The following CNTN4 variants were observed in gnomAD, a reference collection of about 807,000 sequenced individuals.
CNTN4 encodes the protein contactin-4.
CNTN4 carries 77 observed loss-of-function variants against 122.5 expected under a neutral mutation model. That is an observed-to-expected ratio of 0.63 (90% CI 0.52 to 0.76). The LOEUF (loss-of-function observed/expected upper bound fraction) is 0.76, where lower values mean the gene tolerates loss of function less well. Among genes scored for constraint, CNTN4 ranks in the 30% least tolerant of loss-of-function variants. The pLI is 0.00. For synonymous variants in CNTN4, 512 were observed against 447.0 expected (o/e 1.15, Z -1.83); for missense variants, 1,256 against 1,259.1 (o/e 1.00, Z 0.04).
intron 2 of CNTN4, among the ~76,000 whole-genome samples, chr3:2,245,514 A>G (rs994444363): frequency 3.3e-5 from 5 of 152,032 alleles, no homozygotes; most frequent in Non-Finnish European, 5.9e-5. Context: ...TGCTATACTT[A>G]ATTTTCCAAT....
intron 4 of CNTN4, among the ~76,000 whole-genome samples, chr3:2,728,782 G>T (rs921001124): frequency 6.6e-6 from 1 of 152,164 alleles, no homozygotes; most frequent in African/African-American, 2.4e-5. Context: ...TTCTATTCAA[G>T]CCCTTGTGTT....
chr3:2,416,486 A>G (rs1262983391), intron 3 of CNTN4, among the ~76,000 whole-genome samples: 1 of 152,212 alleles, frequency 6.6e-6, no homozygotes, highest in East Asian at 1.9e-4. Context: ...GAGGAAATCA[A>G]CACACTGAAG....
intron 2 of CNTN4, among the ~76,000 whole-genome samples, chr3:2,222,948 G>T (rs1218473507): frequency 1.3e-5 from 2 of 152,094 alleles, no homozygotes; most frequent in East Asian, 1.9e-4. Flanking sequence ...CATCATAAAA[G>T]AATCTGACAG....
At chr3:2,103,181 CTTT>C (rs200002968) in intron 2 of CNTN4, among the ~76,000 whole-genome samples, 1 of 141,156 alleles carries the variant, frequency 7.1e-6, no homozygotes, top group Non-Finnish European at 1.6e-5. Context: ...TTTTTAACAG[CTTT>C]TTTTTTTTTT....
intron 3 of CNTN4, among the ~76,000 whole-genome samples, chr3:2,566,999 C>T (rs2079192381): frequency 6.6e-6 from 1 of 151,890 alleles, no homozygotes; most frequent in Non-Finnish European, 1.5e-5. Flanking sequence ...GATCTTCATA[C>T]AGGAAAATAA....
intron 8 of CNTN4, among the ~76,000 whole-genome samples, chr3:2,873,427 C>T (rs1046442828): frequency 4.6e-5 from 7 of 152,196 alleles, no homozygotes; most frequent in South Asian, 2.1e-4. Context: ...GGCCACAGTG[C>T]GCCATTTTGT....
intron 14 of CNTN4, among the ~76,000 whole-genome samples, chr3:2,992,547 G>C (rs973592): frequency 0.5 from 76,173 of 151,938 alleles, 19,540 homozygotes; most frequent in African/African-American, 0.6. Context: ...GGTGGGTGGG[G>C]ATTTTGCATG....
At chr3:2,462,903 A>G (rs1286176756) in intron 3 of CNTN4, among the ~76,000 whole-genome samples, 1 of 152,166 alleles carries the variant, frequency 6.6e-6, no homozygotes, top group Non-Finnish European at 1.5e-5. Flanking sequence ...CCGATATAAA[A>G]ATTATTAATG....
chr3:2,816,378 A>T (rs184667068), intron 6 of CNTN4, among the ~76,000 whole-genome samples: 25 of 151,818 alleles, frequency 1.6e-4, no homozygotes, highest in African/African-American at 5.8e-4. Context: ...AAATAAATAA[A>T]TAAAATAAAT....
chr3:2,384,716 G>A (rs1443986558), intron 3 of CNTN4, among the ~76,000 whole-genome samples: 1 of 151,886 alleles, frequency 6.6e-6, no homozygotes, highest in Admixed American at 6.6e-5. Context: ...GCTCTCACAT[G>A]TAAATTTGTC....
intron 3 of CNTN4, among the ~76,000 whole-genome samples, chr3:2,403,760 A>C (rs1429281947): frequency 6.6e-6 from 1 of 152,204 alleles, no homozygotes; most frequent in Non-Finnish European, 1.5e-5. Context: ...ATTCTTATCA[A>C]AGATGTCAAA....
At chr3:2,329,034 T>C (rs1048561491) in intron 2 of CNTN4, among the ~76,000 whole-genome samples, 22 of 152,096 alleles carry the variant, frequency 1.4e-4, no homozygotes, top group African/African-American at 5.3e-4. Context: ...TCAATATAAA[T>C]AGAAGTAAAA....
In CNTN4 at chr3:2,813,443, A is replaced by T. The variant is rs116414309; in HGVS notation, c.359-6043A>T. On this transcript the variant is annotated intron_variant, in intron 6 of 24. Coordinates refer to ENST00000418658, the MANE Select transcript of CNTN4 (RefSeq NM_175607.3). ...TTTTTTTACTTGCATTAAATAATACATGTATTACATGCATGGTTACTGTAT... is the reference window on the plus strand; with the variant it reads ...TTTTTTTACTTGCATTAAATAATACTTGTATTACATGCATGGTTACTGTAT... Among the ~76,000 whole-genome samples, 657 of 152,310 alleles carry T rather than the reference A, an allele frequency of 4.3e-3. 3 individuals are homozygous for T. Among genetic ancestry groups the T allele is most frequent in the African/African-American group, 0.015 (621 of 41,562 alleles).
intron 2 of CNTN4, among the ~76,000 whole-genome samples, chr3:2,305,802 A>G (rs1172795786): frequency 6.6e-6 from 1 of 152,212 alleles, no homozygotes; most frequent in Non-Finnish European, 1.5e-5. Flanking sequence ...TTACCTGTCC[A>G]TCAACTCCTA....
At chr3:2,555,858 G>C (rs1249321456) in intron 3 of CNTN4, among the ~76,000 whole-genome samples, 1 of 152,162 alleles carries the variant, frequency 6.6e-6, no homozygotes, top group African/African-American at 2.4e-5. Flanking sequence ...GGAACGTGGA[G>C]AATGGCCTGG....
intron 6 of CNTN4, 81 bp from the exon 7 acceptor site, chr3:2,819,405 C>G (rs1261039381): frequency 1.8e-6 from 2 of 1,105,856 alleles, no homozygotes; most frequent in African/African-American, 3.1e-5. Flanking sequence ...CAGAATGATT[C>G]TCTTTTGAAA....
At chr3:2,662,643 A>G (rs573434755) in intron 4 of CNTN4, among the ~76,000 whole-genome samples, 16 of 152,308 alleles carry the variant, frequency 1.1e-4, no homozygotes, top group South Asian at 1.0e-3. Flanking sequence ...CTCAACCTCA[A>G]TGGGCAATAT....
intron 17 of CNTN4, among the ~76,000 whole-genome samples, chr3:3,035,513 T>C (rs188960923): frequency 3.5e-4 from 54 of 152,296 alleles, no homozygotes; most frequent in African/African-American, 1.2e-3. Flanking sequence ...GTTTACACAG[T>C]GCTCTCAAAA....
intron 2 of CNTN4, among the ~76,000 whole-genome samples, chr3:2,267,377 T>A (rs2041095822): frequency 6.6e-6 from 1 of 152,120 alleles, no homozygotes; most frequent in Admixed American, 6.6e-5. Context: ...AAATCAGCAA[T>A]TTCACAGCTG....
Sources: allele counts gnomAD v4.1 joint callset (sites outside exome capture counted in the v4.1 genomes callset), GRCh38; gene constraint gnomAD v4.1.1; transcripts MANE v1.5; gene names NCBI Gene and HGNC (gene_info 2026-07-23, HGNC 2026-07-21).